The following RPS6KB1 variants were observed in gnomAD, a reference collection of about 807,000 sequenced individuals.
The protein encoded by RPS6KB1 is ribosomal protein S6 kinase beta-1.
Under a neutral mutation model 70.2 loss-of-function variants are expected in RPS6KB1, and 12 were observed. That is an observed-to-expected ratio of 0.17 (90% CI 0.11 to 0.28). The LOEUF (loss-of-function observed/expected upper bound fraction) is 0.28. Ranked by LOEUF, RPS6KB1 falls within the 10% of genes least tolerant of loss-of-function variation. The probability of loss-of-function intolerance (pLI) is 1.00; values close to 1 mark genes in which losing one functional copy is unlikely to be tolerated. For synonymous variants in RPS6KB1, 175 were observed against 211.2 expected, an observed-to-expected ratio of 0.83 and a Z score of 1.49; for missense variants, 270 against 646.6, an observed-to-expected ratio of 0.42 and a Z score of 6.32.
At chr17:59,918,242 A>AT (rs1047619691) in intron 4 of RPS6KB1, among the ~76,000 whole-genome samples, 1 of 150,884 alleles carries the variant, frequency 6.6e-6, no homozygotes, top group Non-Finnish European at 1.5e-5. Flanking sequence ...ATTTGACTAA[A>AT]TTTTTTTTTA....
At chr17:59,906,037 TAGATATCC>T (rs2042245684) in intron 1 of RPS6KB1, among the ~76,000 whole-genome samples, 1 of 152,214 alleles carries the variant, frequency 6.6e-6, no homozygotes. Context: ...AAGTAGCATA[TAGATATCC>T]AGTTGTCCTA....
rs775831949 is a variant in RPS6KB1, at chr17:59,910,593, G to A, written c.173G>A (p.Gly58Glu). ...GQLNESMDHG[G>E]VGPYELGMEH... ...TTAAATGAAAGCATGGACCATGGGG[G>A]AGTTGGACCATATGAACTGTAAGTT... is the stretch of plus-strand genomic sequence containing the variant. The change falls in exon 2 of 15, where the codon GGA becomes GAA. Residue 58 changes from glycine (G) to glutamate (E), a missense_variant. Coordinates refer to ENST00000225577, the MANE Select transcript of RPS6KB1 (RefSeq NM_003161.4). The A allele has an allele frequency of 3.8e-6, 6 of 1,592,102 alleles. 1 individual carries two copies. The East Asian group carries it at 1.1e-4, about 30-fold the overall frequency.
At chr17:59,916,004 C>G (rs1031271952) in intron 4 of RPS6KB1, among the ~76,000 whole-genome samples, 1 of 151,198 alleles carries the variant, frequency 6.6e-6, no homozygotes, top group Non-Finnish European at 1.5e-5. Context: ...AGGCTGGTCT[C>G]GAACTCAGGT....
chr17:59,906,198 T>C (rs2645462), intron 1 of RPS6KB1, among the ~76,000 whole-genome samples: 85,139 of 152,086 alleles, frequency 0.56, 25,956 homozygotes, highest in African/African-American at 0.82. Flanking sequence ...TCTGGGCTCT[T>C]AATTCTATTC....
At chr17:59,897,960 G>A (rs1048754092) in intron 1 of RPS6KB1, among the ~76,000 whole-genome samples, 3 of 142,570 alleles carry the variant, frequency 2.1e-5, no homozygotes, top group Non-Finnish European at 4.5e-5. Context: ...GTGAGATTCC[G>A]TCTCAAAAAA....
Position 59,912,843 on chromosome 17 carries a change from T to C in RPS6KB1, c.312+39T>C, listed in dbSNP as rs1419756092. The stretch of plus-strand genomic sequence containing the variant: ...TTGAAATGAGAGCTGTTGTCTGTCT[T>C]GAATAGATTGATTTTTATGCCCTGG... On this transcript the variant is annotated intron_variant, in intron 3 of 14. Transcript: ENST00000225577. The C allele has an allele frequency of 1.9e-6, 3 of 1,602,706 alleles. No individual in the cohort carries two copies. The African/African-American group carries it at 4.0e-5, about 22-fold the overall frequency.
chr17:59,930,108 T>C lies in RPS6KB1; in HGVS notation c.530-9T>C, dbSNP rs772997146. The C allele has an allele frequency of 1.6e-5, 21 of 1,308,214 alleles. No individual in the cohort carries two copies. The Admixed American group carries it at 2.2e-4, about 14-fold the overall frequency. 81.0% of individuals were successfully genotyped at this position (1,308,214 alleles called of 1,614,324 possible). A position where few individuals can be genotyped will look rare whatever the true frequency, so the allele number is the denominator to read the frequency against. On this transcript the variant is annotated splice_polypyrimidine_tract_variant and intron_variant, in intron 5 of 14. Coordinates refer to ENST00000225577, the MANE Select transcript of RPS6KB1 (RefSeq NM_003161.4). Reference sequence around the variant, plus strand: ...TTTTATTTATAATGTTTTTTCTTTTTCTTTACAGGAGGAGAACTATTTATG... The same window carrying C: ...TTTTATTTATAATGTTTTTTCTTTTCCTTTACAGGAGGAGAACTATTTATG...
chr17:59,931,774 C>T, intron 7 of RPS6KB1, 52 bp downstream of exon 7: 2 of 1,309,042 alleles, frequency 1.5e-6, no homozygotes, highest in South Asian at 1.2e-5. Context: ...TTAAAATCCT[C>T]CCACATAGGT....
chr17:59,905,623 G>A (rs1000433453), intron 1 of RPS6KB1, among the ~76,000 whole-genome samples: 1 of 151,038 alleles, frequency 6.6e-6, no homozygotes, highest in Admixed American at 6.6e-5. Flanking sequence ...TCCTGCCTCA[G>A]CCTCCTGAGT....
intron 1 of RPS6KB1, among the ~76,000 whole-genome samples, chr17:59,900,575 A>G (rs1173539640): frequency 6.6e-6 from 1 of 151,934 alleles, no homozygotes; most frequent in Non-Finnish European, 1.5e-5. Context: ...CATGTTGGCC[A>G]GGCTGGTCTC....
At chr17:59,937,619 C>G (rs2044317909) in intron 12 of RPS6KB1, among the ~76,000 whole-genome samples, 1 of 152,174 alleles carries the variant, frequency 6.6e-6, no homozygotes, top group African/African-American at 2.4e-5. Context: ...ACATGGTGTT[C>G]TACCTGTGTG....
At chr17:59,901,341 G>A (rs943837395) in intron 1 of RPS6KB1, among the ~76,000 whole-genome samples, 1 of 151,278 alleles carries the variant, frequency 6.6e-6, no homozygotes, top group African/African-American at 2.4e-5. Context: ...AGTAGAGACG[G>A]GGTTTCACCG....
At chr17:59,901,339 CG>C (rs1428787362) in intron 1 of RPS6KB1, among the ~76,000 whole-genome samples, 60 of 151,154 alleles carry the variant, frequency 4.0e-4, no homozygotes, top group African/African-American at 1.3e-3. Flanking sequence ...TTAGTAGAGA[CG>C]GGGTTTCACC....
chr17:59,940,380 G>A (rs1428498852), intron 12 of RPS6KB1, among the ~76,000 whole-genome samples: 3 of 150,626 alleles, frequency 2.0e-5, no homozygotes, highest in South Asian at 4.2e-4. Flanking sequence ...TGTGCCTCCC[G>A]GGTTCAAGCA....
At chr17:59,923,161 C>CTT (rs76413553) in intron 4 of RPS6KB1, among the ~76,000 whole-genome samples, 2 of 139,450 alleles carry the variant, frequency 1.4e-5, no homozygotes, top group Non-Finnish European at 1.6e-5. Flanking sequence ...CGCACCTGGT[C>CTT]TTTTTTTTTT....
In RPS6KB1 at chr17:59,909,013, G is replaced by A. The variant is rs561370196; in HGVS notation, c.142-1549G>A. The stretch of plus-strand genomic sequence containing the variant: ...GCGATCTCGGCTCACTGCCATCTCT[G>A]CCTTCCAGGTTCAAGTGATTCTCCT... On this transcript the variant is annotated intron_variant, in intron 1 of 14. Transcript: ENST00000225577. Among the ~76,000 whole-genome samples the A allele has an allele frequency of 2.1e-5, 3 of 145,266 alleles. No homozygotes were observed. The East Asian group carries it at 6.1e-4, about 29-fold the overall frequency.
chr17:59,915,460 A>C (rs2042887464), intron 4 of RPS6KB1, among the ~76,000 whole-genome samples: 1 of 151,622 alleles, frequency 6.6e-6, no homozygotes, highest in African/African-American at 2.4e-5. Flanking sequence ...AGTAATAAGC[A>C]TGTACTGCCA....
chr17:59,909,790 G>T (rs1181004961), intron 1 of RPS6KB1, among the ~76,000 whole-genome samples: 4 of 151,876 alleles, frequency 2.6e-5, no homozygotes, highest in African/African-American at 7.2e-5. Context: ...GAGGTGGGCA[G>T]ATCACAAGGT....
intron 12 of RPS6KB1, among the ~76,000 whole-genome samples, chr17:59,938,191 G>GT (rs200270152): frequency 4.2e-5 from 6 of 143,326 alleles, no homozygotes; most frequent in South Asian, 2.2e-4. Flanking sequence ...TTTTGGGGGG[G>GT]GGATAGGGTC....
Sources: allele counts gnomAD v4.1 joint callset (sites outside exome capture counted in the v4.1 genomes callset), GRCh38; gene constraint gnomAD v4.1.1; transcripts MANE v1.5; gene names NCBI Gene and HGNC (gene_info 2026-07-23, HGNC 2026-07-21).